FBF1: variants seen among roughly 807,000 people sequenced by gnomAD.
FBF1 encodes the protein fas-binding factor 1.
A neutral mutation model predicts 147.2 loss-of-function variants in FBF1; 119 were observed. That is an observed-to-expected ratio of 0.81 (90% confidence interval 0.70 to 0.94). The LOEUF is 0.94. FBF1 is among the 40% of genes least tolerant of loss of function. The pLI, the probability that FBF1 is intolerant of heterozygous loss-of-function variation, is 0.00. For missense variants in FBF1, 1,449 were observed against 1,500.8 expected (o/e 0.97, Z 0.57); for synonymous variants, 601 against 609.0 (o/e 0.99, Z 0.19).
Position 75,923,305 on chromosome 17 carries a change from C to CTCTT in FBF1, c.1301_1304dup (p.Asp436ArgfsTer26). 6.3e-7 allele frequency: 1 copy of CTCTT among 1,594,616 alleles called. No homozygotes were observed. The highest frequency in any genetic ancestry group is 8.5e-7 in the Non-Finnish European group (1 of 1,171,024). On this transcript the variant is annotated frameshift_variant, in exon 14 of 30. Coordinates refer to ENST00000636174, the MANE Select transcript of FBF1 (RefSeq NM_001319193.2). LOFTEE classifies it high-confidence loss of function. The surrounding 1 kb of genome is among the most constrained non-coding windows in gnomAD (Gnocchi z 4.1). Reference sequence around the variant, plus strand: ...GAGACAGGGCATGGCTCAGCCAGTCCTCTTTCTCCTCCTTGGAGGCTCGCA... The same window carrying CTCTT: ...GAGACAGGGCATGGCTCAGCCAGTCCTCTTTCTTTCTCCTCCTTGGAGGCTCGCA...
rs535056996 is a variant in FBF1 at position 75,925,424 on chromosome 17, G to A, written c.891C>T (p.Asp297=). The A allele has an allele frequency of 5.8e-5, 94 of 1,613,448 alleles. 2 individuals are homozygous for A. The South Asian group carries it at 7.9e-4, about 14-fold the overall frequency. ...RPQDSEDMWG[D]EDFTFGAYQP... is the part of the protein sequence containing the mutation. ...GATAGGCTCCAAAGGTGAAGTCCTC[G>A]TCACCCCACATATCTTCACTGTCTG... is the stretch of plus-strand genomic sequence containing the variant. The change falls in exon 13 of 30, where the codon GAC becomes GAT. Residue 297 remains aspartate (D), a synonymous_variant. Transcript: ENST00000636174. The surrounding 1 kb of genome is among the most constrained non-coding windows in gnomAD (Gnocchi z 5.0).
rs576776529 is a variant in FBF1 at position 75,936,688 on chromosome 17, A to C, written c.31+878T>G. On this transcript the variant is annotated intron_variant, in intron 3 of 29. Coordinates refer to ENST00000636174, the MANE Select transcript of FBF1 (RefSeq NM_001319193.2). ...AGACTCCGTCTTAAAAAAAAAAACA[A>C]AAAAACACAACTATCTGAAAGGATG... Among the ~76,000 whole-genome samples, 860 of 152,152 alleles carry C rather than the reference A, an allele frequency of 5.7e-3. 10 individuals are homozygous for C. The highest frequency in any genetic ancestry group is 0.019 in the African/African-American group (803 of 41,494).
chr17:75,910,852 G>A lies in FBF1; in HGVS notation c.3364-46C>T. ...GGCGGTCACCTTCCCTGAGCTGAGA[G>A]GGAGGTGGAGCCCTGGATGCTAGCT... On this transcript the variant is annotated intron_variant, in intron 29 of 29. Coordinates refer to ENST00000636174, the MANE Select transcript of FBF1 (RefSeq NM_001319193.2). The surrounding 1 kb of genome is among the most constrained non-coding windows in gnomAD (Gnocchi z 4.1). 6.6e-7 allele frequency: 1 copy of A among 1,523,432 alleles called. No homozygotes were observed. Among genetic ancestry groups the A allele is most frequent in the South Asian group, 1.2e-5 (1 of 84,536 alleles). The allele number at this position is 1,523,432 out of a possible 1,614,324, so 94.4% of individuals were successfully genotyped here.
chr17:75,913,196 T>C (rs1280930565), intron 28 of FBF1, among the ~76,000 whole-genome samples: 2 of 147,150 alleles, frequency 1.4e-5, no homozygotes, highest in Non-Finnish European at 1.5e-5. Context: ...TCCCCTAGGC[T>C]GGAGTGCAGT....
Position 75,920,429 on chromosome 17 carries a change from G to T in FBF1, c.1675C>A (p.Pro559Thr). Residue 559 changes from proline (P) to threonine (T), a missense_variant and splice_region_variant, in exon 18 of 30, where the codon CCC becomes ACC. Coordinates refer to ENST00000636174, the MANE Select transcript of FBF1 (RefSeq NM_001319193.2). ...KPTEPSVPVQPLLPESLARSL... is the reference protein window; with the variant it reads ...KPTEPSVPVQTLLPESLARSL... ...CGGGCCAGGGACTCTGGGAGCAGGG[G>T]CTGGAGGAGAGGAAGAGAGGTGTTT... is the stretch of plus-strand genomic sequence containing the variant. 1 of 1,605,192 alleles carries T rather than the reference G, an allele frequency of 6.2e-7. No individual in the cohort carries two copies.
At position 75,926,860 on chromosome 17, in the gene FBF1, T is replaced by C. The variant is rs2305913; in HGVS notation, c.493A>G (p.Arg165Gly). The change falls in exon 10 of 30, where the codon AGA (arginine) becomes GGA (glycine). Residue 165 changes from arginine to glycine, a missense_variant. Coordinates refer to ENST00000636174, the MANE Select transcript of FBF1 (RefSeq NM_001319193.2). ...CCTTCATCATAGGAGAGAAGTCCTC[T>C]CAATGGGTCTTCCAAGTCTCACAGC... Reference protein sequence around the residue: ...FSSEDLEDPLRGLLSYDEGGI... With the variant: ...FSSEDLEDPLGGLLSYDEGGI... 0.36 allele frequency: 576,877 copies of C among 1,611,472 alleles called. 112,190 individuals are homozygous for C. Among genetic ancestry groups the C allele is most frequent in the African/African-American group, 0.79 (58,894 of 75,006 alleles).
chr17:75,927,930 C>T (rs1236220281), intron 8 of FBF1, 146 bp downstream of exon 8: 2 of 663,124 alleles, frequency 3.0e-6, no homozygotes, highest in Admixed American at 2.9e-5. Context: ...CACACACGCA[C>T]AAATGCTCCT....
chr17:75,920,504 C>G (rs936853148), intron 17 of FBF1, 75 bp from the exon 18 acceptor site: 3 of 1,446,808 alleles, frequency 2.1e-6, no homozygotes, highest in Non-Finnish European at 2.8e-6. Context: ...ACCTCCTGGC[C>G]CACTGCTCAC....
Position 75,936,192 on chromosome 17 carries a change from T to C in FBF1, c.32-519A>G, listed in dbSNP as rs573625199. Among the ~76,000 whole-genome samples the C allele has an allele frequency of 3.3e-5, 5 of 152,262 alleles. No homozygotes were observed. The East Asian group carries it at 9.7e-4, about 29-fold the overall frequency. Reference sequence around the variant, plus strand: ...AGCCAGGTGTGGTGGCATGTGCCTGTAGTCCCAGGTACTCGGGAGGCTGAG... The same window carrying C: ...AGCCAGGTGTGGTGGCATGTGCCTGCAGTCCCAGGTACTCGGGAGGCTGAG... On this transcript the variant is annotated intron_variant, in intron 3 of 29. Transcript: ENST00000636174.
intron 4 of FBF1, among the ~76,000 whole-genome samples, chr17:75,933,766 A>G (rs1391038802): frequency 2.6e-5 from 4 of 152,218 alleles, no homozygotes; most frequent in African/African-American, 9.6e-5. Context: ...CTGAACAGAC[A>G]TTTCTCCAAA....
chr17:75,921,967 A>C lies in FBF1; in HGVS notation c.1504T>G (p.Cys502Gly), dbSNP rs2065530687. 6.4e-7 allele frequency: 1 copy of C among 1,551,274 alleles called. No individual in the cohort carries two copies. Residue 502 changes from cysteine to glycine, a missense_variant, in exon 15 of 30, where the codon TGT (cysteine) becomes GGT (glycine). Physicochemically the swap from Cys to Gly is radical, Grantham distance 159. Transcript: ENST00000636174. ...SSGTTARERP[C>G]VRPGVSGSPV... ...TACCCCGAGACACCAGGCCTGACAC[A>C]CGGTCTTTCTCGTGCAGTTGTTCCA...
intron 15 of FBF1, 140 bp from the exon 16 acceptor site, chr17:75,921,700 TG>T (rs2144169932): frequency 5.0e-5 from 1 of 20,190 alleles, no homozygotes; most frequent in East Asian, 2.4e-3. Flanking sequence ...TGGGGCAGGG[TG>T]GGCAGCCTCT....
chr17:75,937,842 C>A, intron 2 of FBF1: 2 of 629,684 alleles, frequency 3.2e-6, no homozygotes, highest in Non-Finnish European at 5.6e-6. Context: ...TTCCCAGACA[C>A]GACATGCAAA....
intron 1 of FBF1, 57 bp downstream of exon 1, chr17:75,940,778 CACCCCTAAGCAAG>C (rs1221604877): frequency 6.5e-6 from 1 of 153,858 alleles, no homozygotes; most frequent in Admixed American, 6.5e-5. Flanking sequence ...ATCCCGAGAC[CACCCCTAAGCAAG>C]ACCCCTAGCC....
At chr17:75,916,335 T>C (rs2065489086) in intron 23 of FBF1, among the ~76,000 whole-genome samples, 1 of 149,646 alleles carries the variant, frequency 6.7e-6, no homozygotes, top group African/African-American at 2.5e-5. Context: ...AATTTTTTTT[T>C]TTGGCCAGGC....
At chr17:75,929,877 G>A (rs1312535149) in intron 7 of FBF1, 120 bp downstream of exon 7, 2 of 900,036 alleles carry the variant, frequency 2.2e-6, no homozygotes, top group Non-Finnish European at 3.5e-6. Flanking sequence ...CACGAGGAAG[G>A]GCTCAGAAAC....
At chr17:75,931,020 G>A (rs926065359) in intron 6 of FBF1, among the ~76,000 whole-genome samples, 5 of 151,082 alleles carry the variant, frequency 3.3e-5, no homozygotes, top group East Asian at 1.9e-4. Flanking sequence ...GCTTGACCCC[G>A]GGAGGCAGAG....
chr17:75,929,081 C>A lies in FBF1; in HGVS notation c.280-888G>T, dbSNP rs371907153. Among the ~76,000 whole-genome samples the A allele has an allele frequency of 7.3e-4, 110 of 151,698 alleles. 1 individual carries two copies. In the South Asian group the frequency reaches 0.022, roughly 30 times the overall value. On this transcript the variant is annotated intron_variant, in intron 7 of 29. Transcript: ENST00000636174. Reference sequence around the variant, plus strand: ...TCATAGCTCATTGCAGCCTCCAACTCCTAGGCTCAAGCGAGCCTACTGCCT... The same window carrying A: ...TCATAGCTCATTGCAGCCTCCAACTACTAGGCTCAAGCGAGCCTACTGCCT...
In FBF1 at chr17:75,921,982, C is replaced by T; in HGVS notation, c.1489G>A (p.Ala497Thr). 1.3e-6 allele frequency: 2 copies of T among 1,551,588 alleles called. No individual in the cohort carries two copies. Among genetic ancestry groups the T allele is most frequent in the Non-Finnish European group, 1.7e-6 (2 of 1,146,994 alleles). Residue 497 changes from alanine (A) to threonine (T), a missense_variant, in exon 15 of 30, where the codon GCA (alanine) becomes ACA (threonine). Physicochemically the swap from Ala to Thr is moderately conservative, Grantham distance 58 (BLOSUM62 0). Coordinates refer to ENST00000636174, the MANE Select transcript of FBF1 (RefSeq NM_001319193.2). ...AAAGGSSGTT[A>T]RERPCVRPGV... ...GGCCTGACACACGGTCTTTCTCGTG[C>T]AGTTGTTCCAGAACTCCCTCCAGCA...
Sources: gnomAD v4.1 joint callset for allele counts (sites outside exome capture counted in the v4.1 genomes callset) on GRCh38, gnomAD v4.1.1 for gene constraint, Gnocchi (gnomAD v3.1) non-coding constraint, MANE v1.5 for transcripts, NCBI Gene and HGNC (gene_info 2026-07-23, HGNC 2026-07-21) for gene names.